Variants in CDK19 observed in about 807,000 individuals in gnomAD.
The protein encoded by CDK19 is cyclin dependent kinase 19, also known as cyclin-dependent kinase 19.
A neutral mutation model predicts 68.3 loss-of-function variants in CDK19; 20 were observed. That is an observed-to-expected ratio of 0.29 (90% CI 0.21 to 0.43). The LOEUF (loss-of-function observed/expected upper bound fraction) is 0.43. CDK19 is among the 20% of genes least tolerant of loss of function. The pLI, the probability that CDK19 is intolerant of heterozygous loss-of-function variation, is 1.00. For synonymous variants in CDK19, 221 were observed against 222.8 expected (o/e 0.99, Z 0.07); for missense variants, 339 against 623.5 (o/e 0.54, Z 4.86).
rs919625717 is a variant in CDK19 at position 110,610,603 on chromosome 6, G to C, written c.*3932C>G. 2.0e-5 allele frequency: 3 copies of C among 151,954 alleles called. No homozygotes were observed. Among genetic ancestry groups the C allele is most frequent in the African/African-American group, 7.3e-5 (3 of 41,354 alleles). 9.4% of individuals were successfully genotyped at this position (151,954 alleles called of 1,614,324 possible). On this transcript the variant is annotated 3_prime_UTR_variant, in exon 13 of 13. Transcript: ENST00000368911. Reference sequence around the variant, plus strand: ...AAACAATGAACTTTGTTATATTTGTGACTATTTTTGAGGATTATGGGGACC... The same window carrying C: ...AAACAATGAACTTTGTTATATTTGTCACTATTTTTGAGGATTATGGGGACC...
intron 1 of CDK19, among the ~76,000 whole-genome samples, chr6:110,786,271 A>G (rs963707832): frequency 6.6e-6 from 1 of 152,116 alleles, no homozygotes; most frequent in Non-Finnish European, 1.5e-5. Flanking sequence ...ACTCATCTCC[A>G]TCAAGTCATT....
chr6:110,618,672 G>A (rs1316966535), intron 12 of CDK19, among the ~76,000 whole-genome samples: 1 of 152,142 alleles, frequency 6.6e-6, no homozygotes, highest in African/African-American at 2.4e-5. Context: ...AAGGAGGAAG[G>A]GGCTCCAGGT....
chr6:110,626,925 C>G, intron 7 of CDK19, 77 bp downstream of exon 7: 1 of 1,408,336 alleles, frequency 7.1e-7, no homozygotes, highest in Non-Finnish European at 9.8e-7. Context: ...TATAAATATA[C>G]ATTAAAATAT....
chr6:110,792,003 A>T (rs950614155), intron 1 of CDK19, among the ~76,000 whole-genome samples: 5 of 148,490 alleles, frequency 3.4e-5, no homozygotes, highest in African/African-American at 1.2e-4. Flanking sequence ...ACGGAGTCCC[A>T]TTCTGTTGCC....
At chr6:110,667,287 T>C (rs559075218) in intron 4 of CDK19, 147 bp downstream of exon 4, 16 of 535,712 alleles carry the variant, frequency 3.0e-5, no homozygotes, top group South Asian at 2.6e-4. Context: ...TATAGGTTTA[T>C]GGGTGATTTT....
intron 2 of CDK19, among the ~76,000 whole-genome samples, chr6:110,734,519 T>TTCTCTCTCTCTCTCTCTCTCTCTCTC (rs1491136249): frequency 5.2e-5 from 1 of 19,310 alleles, no homozygotes. Context: ...GGGTGAGCAC[T>TTCTCTCTCTCTCTCTCTCTCTCTCTC]GCTCTCTCTC....
At position 110,613,970 on chromosome 6, in the gene CDK19, G is replaced by A. The variant is rs1778155846; in HGVS notation, c.*565C>T. 6.6e-6 allele frequency: 1 copy of A among 152,574 alleles called. No homozygotes were observed. The highest frequency in any genetic ancestry group is 1.5e-5 in the Non-Finnish European group (1 of 68,026). 9.5% of individuals were successfully genotyped at this position (152,574 alleles called of 1,614,324 possible). A position where few individuals can be genotyped will look rare whatever the true frequency, so the allele number is the denominator to read the frequency against. On this transcript the variant is annotated 3_prime_UTR_variant, in exon 13 of 13. Transcript: ENST00000368911. ...CTTGTCTTTTTATTAGACCTTCCCTGAAACTAGATAAATACGAACGTAATA... is the reference window on the plus strand; with the variant it reads ...CTTGTCTTTTTATTAGACCTTCCCTAAAACTAGATAAATACGAACGTAATA...
At chr6:110,770,316 C>A (rs1779921730) in intron 1 of CDK19, among the ~76,000 whole-genome samples, 1 of 152,174 alleles carries the variant, frequency 6.6e-6, no homozygotes, top group Non-Finnish European at 1.5e-5. Context: ...ATTGGACTTA[C>A]AGTTCCACAT....
At chr6:110,801,820 T>C (rs1782365916) in intron 1 of CDK19, among the ~76,000 whole-genome samples, 1 of 152,184 alleles carries the variant, frequency 6.6e-6, no homozygotes. Flanking sequence ...CTTAAAGTTA[T>C]TTTAAATTTT....
Position 110,815,023 on chromosome 6 carries a change from C to G in CDK19, c.114G>C (p.Ala38=), listed in dbSNP as rs1336501083. 1.2e-6 allele frequency: 2 copies of G among 1,604,114 alleles called. No homozygotes were observed. The highest frequency in any genetic ancestry group is 1.7e-6 in the Non-Finnish European group (2 of 1,176,044). The change falls in exon 1 of 13, where the codon GCG becomes GCC. Residue 38 remains alanine, a synonymous_variant. Transcript: ENST00000368911. ...GRGTYGHVYK[A]RRKDGKDEKE... is the part of the protein sequence containing the mutation. The stretch of plus-strand genomic sequence containing the variant: ...CCTGCTCTTACCCATCTTTCCGCCT[C>G]GCCTTGTAGACGTGACCGTAGGTGC...
chr6:110,795,913 C>A (rs998778719), intron 1 of CDK19, among the ~76,000 whole-genome samples: 1 of 152,152 alleles, frequency 6.6e-6, no homozygotes, highest in Non-Finnish European at 1.5e-5. Flanking sequence ...ATTCACAGAA[C>A]CCTTAGTATC....
intron 2 of CDK19, among the ~76,000 whole-genome samples, chr6:110,730,278 A>C (rs942509185): frequency 1.3e-5 from 2 of 152,214 alleles, no homozygotes; most frequent in Non-Finnish European, 2.9e-5. Flanking sequence ...ATCCTAATCA[A>C]CCCAAAGACA....
At chr6:110,622,190 A>G in intron 10 of CDK19, 24 bp from the exon 11 acceptor site, 1 of 1,460,412 alleles carries the variant, frequency 6.8e-7, no homozygotes, top group Non-Finnish European at 9.5e-7. Context: ...AAAAGAAAAA[A>G]CATATCATGA....
chr6:110,632,115 T>C lies in CDK19; in HGVS notation c.561A>G (p.Leu187=), dbSNP rs1779474876. Residue 187 remains leucine (L), a synonymous_variant, in exon 6 of 13, where the codon CTA becomes CTG. Coordinates refer to ENST00000368911, the MANE Select transcript of CDK19 (RefSeq NM_015076.5). ...ARLFNSPLKP[L]ADLDPVVVTF... ...TCACAACTACTGGATCCAAATCTGC[T>C]AGTGGCTTTAGAGGAGAATTGAATA... is the stretch of plus-strand genomic sequence containing the variant. 1 of 1,613,662 alleles carries C rather than the reference T, an allele frequency of 6.2e-7. No individual in the cohort carries two copies. The highest frequency in any genetic ancestry group is 8.5e-7 in the Non-Finnish European group (1 of 1,179,912).
chr6:110,774,354 ATAGTAC>A (rs1240107891), intron 1 of CDK19, among the ~76,000 whole-genome samples: 1 of 152,224 alleles, frequency 6.6e-6, no homozygotes, highest in Non-Finnish European at 1.5e-5. Context: ...GAAATCTGGG[ATAGTAC>A]CAGACACCCT....
At chr6:110,624,938 A>G (rs1412696218) in intron 8 of CDK19, among the ~76,000 whole-genome samples, 1 of 152,226 alleles carries the variant, frequency 6.6e-6, no homozygotes, top group Non-Finnish European at 1.5e-5. Flanking sequence ...AGTGGAAATT[A>G]TAATTATGCC....
chr6:110,727,686 G>T (rs775706005), intron 2 of CDK19, among the ~76,000 whole-genome samples: 3 of 151,924 alleles, frequency 2.0e-5, no homozygotes, highest in African/African-American at 4.8e-5. Context: ...CAAGAAGAGC[G>T]ACTGGGCCAG....
At chr6:110,763,950 T>C (rs1483613113) in intron 1 of CDK19, among the ~76,000 whole-genome samples, 4 of 152,176 alleles carry the variant, frequency 2.6e-5, no homozygotes, top group Non-Finnish European at 5.9e-5. Context: ...TGTTTTATTA[T>C]ATACCAGCAA....
chr6:110,748,407 CACTTA>C (rs2114889153), intron 1 of CDK19, among the ~76,000 whole-genome samples: 1 of 152,266 alleles, frequency 6.6e-6, no homozygotes, highest in African/African-American at 2.4e-5. Flanking sequence ...GTAATTATTT[CACTTA>C]ATAAGTTTAA....
Sources: gnomAD v4.1 joint callset for allele counts (sites outside exome capture counted in the v4.1 genomes callset) on GRCh38, gnomAD v4.1.1 for gene constraint, MANE v1.5 for transcripts, NCBI Gene and HGNC (gene_info 2026-07-23, HGNC 2026-07-21) for gene names.